Variants in NRF1 observed in about 807,000 individuals in gnomAD.
NRF1 encodes the protein nuclear respiratory factor 1.
NRF1 carries 5 observed loss-of-function variants against 58.5 expected under a neutral mutation model. The observed-to-expected ratio is 0.09, with a 90% CI of 0.04 to 0.18. NRF1 has a LOEUF of 0.18. Among genes scored for constraint, NRF1 ranks in the 10% least tolerant of loss-of-function variants. The probability of loss-of-function intolerance (pLI) is 1.00; values close to 1 mark genes in which losing one functional copy is unlikely to be tolerated. For missense variants in NRF1, 288 were observed against 657.7 expected, an observed-to-expected ratio of 0.44 and a Z score of 6.15; for synonymous variants, 224 against 246.7, an observed-to-expected ratio of 0.91 and a Z score of 0.86.
At chr7:129,614,374 C>T (rs759043868) in intron 1 of NRF1, among the ~76,000 whole-genome samples, 8 of 151,454 alleles carry the variant, frequency 5.3e-5, no homozygotes, top group Non-Finnish European at 8.8e-5. Flanking sequence ...GCTTGGCCTC[C>T]GAAAGTGCTG....
rs533487218 is a variant in NRF1, at chr7:129,678,880, T to C, written c.465+1122T>C. ...AAACTTTTTAAGTTTTGGGAAACTG[T>C]TGGAGTCCTCCATAGAATACAAGAA... On this transcript the variant is annotated intron_variant, in intron 4 of 10. Transcript: ENST00000393232. Among the ~76,000 whole-genome samples the C allele has an allele frequency of 2.6e-5, 4 of 152,316 alleles. No homozygotes were observed. In the East Asian group the frequency reaches 7.7e-4, roughly 29 times the overall value.
chr7:129,619,284 C>T (rs1035870137), intron 1 of NRF1, among the ~76,000 whole-genome samples: 60 of 148,746 alleles, frequency 4.0e-4, no homozygotes, highest in African/African-American at 1.5e-3. Flanking sequence ...AGGGCAATGC[C>T]GGAGGATCGC....
At chr7:129,654,426 T>TG (rs1329240981) in intron 1 of NRF1, among the ~76,000 whole-genome samples, 3 of 152,224 alleles carry the variant, frequency 2.0e-5, no homozygotes, top group Non-Finnish European at 4.4e-5. Context: ...CTCATTCTTT[T>TG]GGCAGTGTCT....
At chr7:129,705,278 T>A (rs1427140603) in intron 5 of NRF1, among the ~76,000 whole-genome samples, 1 of 152,100 alleles carries the variant, frequency 6.6e-6, no homozygotes. Flanking sequence ...CTTGTGGGTT[T>A]TTTTTGTTTC....
At chr7:129,753,561 G>A (rs565849623) in intron 10 of NRF1, among the ~76,000 whole-genome samples, 1 of 152,280 alleles carries the variant, frequency 6.6e-6, no homozygotes, top group Admixed American at 6.5e-5. Flanking sequence ...AAGGAAGAGA[G>A]ATTGATGTAT....
chr7:129,734,101 C>T (rs1419014597), intron 10 of NRF1, among the ~76,000 whole-genome samples: 1 of 152,200 alleles, frequency 6.6e-6, no homozygotes, highest in Non-Finnish European at 1.5e-5. Context: ...ACATACTTCT[C>T]AGCTGTTGAC....
In NRF1 at chr7:129,719,497, AACAC is replaced by A. The variant is rs67443980; in HGVS notation, c.1223+2165_1223+2168del. Among the ~76,000 whole-genome samples the A allele has an allele frequency of 9.0e-3, 1,284 of 141,974 alleles. 8 individuals carry two copies. The highest frequency in any genetic ancestry group is 0.011 in the Non-Finnish European group (715 of 64,566). 93.1% of individuals were successfully genotyped at this position (141,974 alleles called of 152,430 possible). ...TGGTTGATTAGGAATAGGAAACTGA[AACAC>A]ACACACACACACACACACACACACA... is the stretch of plus-strand genomic sequence containing the variant. On this transcript the variant is annotated intron_variant, in intron 9 of 10. Transcript: ENST00000393232.
intron 1 of NRF1, among the ~76,000 whole-genome samples, chr7:129,651,504 C>T (rs1801535346): frequency 6.6e-6 from 1 of 151,754 alleles, no homozygotes; most frequent in South Asian, 2.1e-4. Flanking sequence ...GCAGAAATGG[C>T]AAGCCTGTGA....
chr7:129,628,564 A>C (rs560538428), intron 1 of NRF1, among the ~76,000 whole-genome samples: 1 of 152,300 alleles, frequency 6.6e-6, no homozygotes, highest in Non-Finnish European at 1.5e-5. Flanking sequence ...AGTTTTTGCA[A>C]ATCTCTTTAA....
At chr7:129,631,935 T>C (rs1458865430) in intron 1 of NRF1, among the ~76,000 whole-genome samples, 6 of 152,228 alleles carry the variant, frequency 3.9e-5, no homozygotes, top group Non-Finnish European at 7.3e-5. Flanking sequence ...CTTATAAATA[T>C]GCATGACTGC....
At chr7:129,640,810 A>G (rs1054861466) in intron 1 of NRF1, among the ~76,000 whole-genome samples, 1 of 151,126 alleles carries the variant, frequency 6.6e-6, no homozygotes, top group African/African-American at 2.5e-5. Flanking sequence ...CAATTTGGAA[A>G]ATGAGAACAT....
chr7:129,659,897 G>A (rs906192775), intron 2 of NRF1, among the ~76,000 whole-genome samples: 1 of 152,152 alleles, frequency 6.6e-6, no homozygotes, highest in African/African-American at 2.4e-5. Context: ...GTGAAAGACA[G>A]AAGATTTTCT....
intron 9 of NRF1, among the ~76,000 whole-genome samples, chr7:129,726,885 G>A (rs543775546): frequency 1.1e-4 from 16 of 152,334 alleles, no homozygotes; most frequent in African/African-American, 3.6e-4. Flanking sequence ...AATGGCTTTT[G>A]CATTGTGAAT....
intron 1 of NRF1, among the ~76,000 whole-genome samples, chr7:129,612,721 A>G (rs571488330): frequency 4.1e-4 from 62 of 152,254 alleles, no homozygotes; most frequent in African/African-American, 1.3e-3. Context: ...GGCCGTGTGC[A>G]TGGTATTTTC....
chr7:129,626,893 C>G (rs902104926), intron 1 of NRF1, among the ~76,000 whole-genome samples: 1 of 152,172 alleles, frequency 6.6e-6, no homozygotes, highest in Non-Finnish European at 1.5e-5. Context: ...AAATGTACAT[C>G]TAATGATTTT....
rs1445234831 is a variant in NRF1 at position 129,744,127 on chromosome 7, G to A, written c.1349-10891G>A. The A allele has an allele frequency of 3.1e-5, 40 of 1,305,414 alleles. 1 individual carries two copies. Among genetic ancestry groups the A allele is most frequent in the Non-Finnish European group, 4.2e-5 (40 of 945,834 alleles). 80.9% of individuals were successfully genotyped at this position (1,305,414 alleles called of 1,614,324 possible). A position where few individuals can be genotyped will look rare whatever the true frequency, so the allele number is the denominator to read the frequency against. On this transcript the variant is annotated intron_variant, in intron 10 of 10. Transcript: ENST00000393232. ...CGGGGCTGGTGGCCCATCTTGCCCG[G>A]TGCTTTTTTTTTTTTTTTTTTTTAA...
At chr7:129,611,883 C>CGCCCGCCCGCCGGCCGGCCG (rs1800535464) in intron 1 of NRF1, 59 bp downstream of exon 1, 1 of 149,170 alleles carries the variant, frequency 6.7e-6, no homozygotes, top group African/African-American at 2.4e-5. Context: ...CGCAACACGC[C>CGCCCGCCCGCCGGCCGGCCG]GCCCGCCCGC....
intron 10 of NRF1, among the ~76,000 whole-genome samples, chr7:129,734,652 G>A (rs1456030640): frequency 6.6e-6 from 1 of 152,214 alleles, no homozygotes; most frequent in Non-Finnish European, 1.5e-5. Flanking sequence ...CGACAGGTCT[G>A]TATGCTTCTC....
intron 10 of NRF1, chr7:129,744,288 G>A: frequency 2.1e-6 from 3 of 1,442,990 alleles, no homozygotes; most frequent in Non-Finnish European, 2.9e-6. Context: ...CTGTGAGGCT[G>A]TCATTCCAGG....
Sources: gnomAD v4.1 joint callset for allele counts (sites outside exome capture counted in the v4.1 genomes callset) on GRCh38, gnomAD v4.1.1 for gene constraint, MANE v1.5 for transcripts, NCBI Gene and HGNC (gene_info 2026-07-23, HGNC 2026-07-21) for gene names.